ARMCX4: variants seen among roughly 807,000 people sequenced by gnomAD.
ARMCX4 encodes the protein armadillo repeat-containing X-linked protein 4.
A neutral mutation model predicts 34.7 loss-of-function variants in ARMCX4; 3 were observed. That is an observed-to-expected ratio of 0.09 (90% confidence interval 0.04 to 0.22). The LOEUF is 0.22. Ranked by LOEUF, ARMCX4 falls within the 10% of genes least tolerant of loss-of-function variation. The pLI, the probability that ARMCX4 is intolerant of heterozygous loss-of-function variation, is 1.00. For missense variants in ARMCX4, 1,448 were observed against 1,720.8 expected (o/e 0.84, Z 2.81); for synonymous variants, 513 against 632.8 (o/e 0.81, Z 2.84).
At chrX:101,439,901 A>G (rs1388773080) in intron 2 of ARMCX4, among the ~76,000 whole-genome samples, 3 of 110,564 alleles carry the variant, frequency 2.7e-5, no homozygotes, top group Non-Finnish European at 5.7e-5. Flanking sequence ...AAGGTTTTTA[A>G]CTTCTTTGCC....
chrX:101,478,838 T>A (rs191356597), intron 4 of ARMCX4, among the ~76,000 whole-genome samples: 8 of 111,320 alleles, frequency 7.2e-5, no homozygotes, highest in African/African-American at 2.3e-4. Flanking sequence ...AAATTATAAA[T>A]AGAGTGAAAT....
intron 4 of ARMCX4, among the ~76,000 whole-genome samples, chrX:101,474,390 A>C (rs1445594256): frequency 9.1e-6 from 1 of 110,154 alleles, no homozygotes; most frequent in Non-Finnish European, 1.9e-5. Context: ...ACAAGGAGGA[A>C]CTGGTACCAT....
At chrX:101,435,271 C>G (rs1930637751) in intron 2 of ARMCX4, among the ~76,000 whole-genome samples, 1 of 111,873 alleles carries the variant, frequency 8.9e-6, no homozygotes, top group African/African-American at 3.3e-5. Flanking sequence ...AAAAGTATTC[C>G]TATTTCTTCA....
At chrX:101,423,332 C>CT (rs1368279694) in intron 2 of ARMCX4, among the ~76,000 whole-genome samples, 1 of 109,424 alleles carries the variant, frequency 9.1e-6, no homozygotes, top group Non-Finnish European at 1.9e-5. Context: ...ATGAGAGTAT[C>CT]TTTTGCCCTG....
chrX:101,458,236 T>C (rs1165005814), intron 4 of ARMCX4, among the ~76,000 whole-genome samples: 1 of 111,401 alleles, frequency 9.0e-6, no homozygotes, highest in Non-Finnish European at 1.9e-5. Flanking sequence ...TTTTTAATGA[T>C]GCTCAAATTT....
At chrX:101,529,494 A>C (rs1267661666) in intron 11 of ARMCX4, among the ~76,000 whole-genome samples, 2 of 112,111 alleles carry the variant, frequency 1.8e-5, no homozygotes, top group African/African-American at 3.2e-5. Context: ...GGATCCAATT[A>C]AACTAAAGAG....
In ARMCX4 at chrX:101,439,340, G is replaced by A. The variant is rs200044764; in HGVS notation, n.165-4712G>A. 1.5e-3 allele frequency among the ~76,000 whole-genome samples: 166 copies of A among 111,644 alleles called. No individual in the cohort carries two copies. The East Asian group carries it at 0.043, about 29-fold the overall frequency. ...TTGTAGAGTTTCTGCCGAGAGATCC[G>A]CTGTTAGTCTGATGGGCTTCCCTTT... On this transcript the variant is annotated intron_variant and non_coding_transcript_variant, in intron 2 of 3. Coordinates refer to the ARMCX4 transcript ENST00000430461.
chrX:101,527,287 G>A (rs1353567483), intron 11 of ARMCX4, among the ~76,000 whole-genome samples: 1 of 111,715 alleles, frequency 9.0e-6, no homozygotes, highest in African/African-American at 3.3e-5. Context: ...AAACCAATGA[G>A]AACAAAGACA....
At chrX:101,469,326 A>G (rs1419647774) in intron 4 of ARMCX4, among the ~76,000 whole-genome samples, 2 of 112,425 alleles carry the variant, frequency 1.8e-5, no homozygotes, top group East Asian at 5.6e-4. Flanking sequence ...AATAAACCAT[A>G]CTATAGCCAC....
downstream of ARMCX4, among the ~76,000 whole-genome samples, chrX:101,500,426 A>C (rs1436095378): frequency 9.0e-5 from 10 of 111,676 alleles, no homozygotes; most frequent in Non-Finnish European, 1.3e-4. Context: ...ATGAAAACAT[A>C]TGGCATCTGT....
chrX:101,512,695 G>A (rs1934605813), intron 11 of ARMCX4, among the ~76,000 whole-genome samples: 1 of 108,449 alleles, frequency 9.2e-6, no homozygotes, highest in African/African-American at 3.4e-5. Flanking sequence ...TGCATATGTT[G>A]TATTCTGTAT....
At chrX:101,498,479 A>T (rs1243997981), downstream of ARMCX4, 1 of 133,993 alleles carries the variant, frequency 7.5e-6, no homozygotes, top group African/African-American at 3.2e-5. Flanking sequence ...GGATATATTA[A>T]ATATAAGGAA....
intron 11 of ARMCX4, among the ~76,000 whole-genome samples, chrX:101,530,457 C>G (rs149733447): frequency 0.029 from 3,141 of 110,188 alleles, 104 homozygotes; most frequent in African/African-American, 0.097. Context: ...ACGTTGTGCA[C>G]ATGTACCCTA....
intron 11 of ARMCX4, among the ~76,000 whole-genome samples, chrX:101,512,450 C>T (rs1478808376): frequency 9.0e-6 from 1 of 111,440 alleles, no homozygotes; most frequent in African/African-American, 3.3e-5. Context: ...TAACTGGTGC[C>T]TCAAATTCCT....
At chrX:101,521,269 A>G (rs782403915) in intron 11 of ARMCX4, among the ~76,000 whole-genome samples, 2 of 111,156 alleles carry the variant, frequency 1.8e-5, no homozygotes, top group Non-Finnish European at 3.8e-5. Context: ...TTTATTTTGT[A>G]TTTCTTCTTT....
chrX:101,487,978 C>A, intron 4 of ARMCX4, 66 bp from the exon 5 acceptor site: 2 of 598,754 alleles, frequency 3.3e-6, no homozygotes, highest in Non-Finnish European at 4.7e-6. Context: ...CTACTCCCAT[C>A]TGTCCCTCCA....
At chrX:101,468,868 G>T (rs1238586778) in intron 4 of ARMCX4, among the ~76,000 whole-genome samples, 1 of 111,026 alleles carries the variant, frequency 9.0e-6, no homozygotes, top group Non-Finnish European at 1.9e-5. Flanking sequence ...GGCTTCAGTT[G>T]GGGAAGAAAA....
At chrX:101,532,259 CT>C (rs2147730242) in intron 12 of ARMCX4, 1 of 111,532 alleles carries the variant, frequency 9.0e-6, no homozygotes, top group South Asian at 3.8e-4. Flanking sequence ...AGCAGTGGCC[CT>C]TTTCACTATT....
At chrX:101,531,175 C>T (rs782365198) in intron 11 of ARMCX4, among the ~76,000 whole-genome samples, 4 of 112,049 alleles carry the variant, frequency 3.6e-5, no homozygotes, top group African/African-American at 9.7e-5. Context: ...TCTGACTCAT[C>T]TGCTTCCTTC....
Sources: gnomAD v4.1 joint callset for allele counts (sites outside exome capture counted in the v4.1 genomes callset) on GRCh38, gnomAD v4.1.1 for gene constraint, MANE v1.5 for transcripts, NCBI Gene and HGNC (gene_info 2026-07-23, HGNC 2026-07-21) for gene names.